The following CNTN1 variants were observed in gnomAD, a reference collection of about 807,000 sequenced individuals.
CNTN1 encodes contactin 1.
Under a neutral mutation model 126.4 loss-of-function variants are expected in CNTN1, and 38 were observed. That is an observed-to-expected ratio of 0.30 (90% CI 0.23 to 0.39). CNTN1 has a LOEUF of 0.39. CNTN1 is among the 10% of genes least tolerant of loss of function. The pLI is 1.00. For synonymous variants in CNTN1, 413 were observed against 422.6 expected (o/e 0.98, Z 0.28); for missense variants, 1,009 against 1,248.4 (o/e 0.81, Z 2.89).
chr12:40,899,359 G>A (rs970307084), intron 1 of CNTN1, among the ~76,000 whole-genome samples: 2 of 152,138 alleles, frequency 1.3e-5, no homozygotes, highest in Non-Finnish European at 2.9e-5. Flanking sequence ...CGTCCAATAA[G>A]ACAGTCTCAC....
At chr12:40,831,877 G>A (rs538902037) in intron 1 of CNTN1, among the ~76,000 whole-genome samples, 1 of 152,244 alleles carries the variant, frequency 6.6e-6, no homozygotes, top group Admixed American at 6.5e-5. Flanking sequence ...TAAAACATAG[G>A]AGCACCCAAA....
Position 40,819,785 on chromosome 12 carries a change from G to T in CNTN1, c.-76-88572G>T, listed in dbSNP as rs151167815. 1.5e-3 allele frequency among the ~76,000 whole-genome samples: 228 copies of T among 152,300 alleles called. 4 individuals are homozygous for T. The East Asian group carries it at 0.033, about 22-fold the overall frequency. On this transcript the variant is annotated intron_variant, in intron 1 of 23. Coordinates refer to ENST00000551295, the MANE Select transcript of CNTN1 (RefSeq NM_001843.4). ...GCACGTTCTGGGATTGGGACACTAG[G>T]CTCTGGTGGTGTGGGTTCACAAGTA... is the stretch of plus-strand genomic sequence containing the variant.
chr12:40,956,960 A>T (rs1309044173), intron 14 of CNTN1, among the ~76,000 whole-genome samples: 1 of 151,992 alleles, frequency 6.6e-6, no homozygotes, highest in Admixed American at 6.6e-5. Context: ...GAAAGAATGG[A>T]TAAATTCAAG....
intron 1 of CNTN1, chr12:40,729,244 G>A: frequency 5.7e-6 from 1 of 176,104 alleles, no homozygotes; most frequent in East Asian, 1.4e-4. Context: ...GAGAAGTGTT[G>A]AATATTGCTG....
At chr12:41,007,795 G>A (rs1167117192) in intron 17 of CNTN1, among the ~76,000 whole-genome samples, 2 of 152,166 alleles carry the variant, frequency 1.3e-5, no homozygotes, top group African/African-American at 4.8e-5. Flanking sequence ...GGCCGACAAA[G>A]GGAAGAGAAG....
intron 1 of CNTN1, among the ~76,000 whole-genome samples, chr12:40,728,486 C>G (rs1584093): frequency 5.3e-5 from 8 of 151,958 alleles, no homozygotes; most frequent in Non-Finnish European, 1.2e-4. Flanking sequence ...TACTACCTAG[C>G]GACTTCTGTT....
At chr12:40,986,460 G>C (rs1947956311) in intron 16 of CNTN1, among the ~76,000 whole-genome samples, 1 of 152,184 alleles carries the variant, frequency 6.6e-6, no homozygotes, top group South Asian at 2.1e-4. Context: ...TCGAATGTAT[G>C]ATCAGACCTC....
At chr12:40,840,549 C>T (rs1158461598) in intron 1 of CNTN1, among the ~76,000 whole-genome samples, 1 of 152,046 alleles carries the variant, frequency 6.6e-6, no homozygotes, top group African/African-American at 2.4e-5. Context: ...ACATTCCTAT[C>T]ATAAGCATGT....
At chr12:40,897,428 C>G (rs1250398599) in intron 1 of CNTN1, among the ~76,000 whole-genome samples, 4 of 152,022 alleles carry the variant, frequency 2.6e-5, no homozygotes, top group African/African-American at 9.7e-5. Flanking sequence ...AAGCATTTCA[C>G]ATAGCAGGTA....
At chr12:40,890,433 A>G (rs1174823828) in intron 1 of CNTN1, among the ~76,000 whole-genome samples, 2 of 152,174 alleles carry the variant, frequency 1.3e-5, no homozygotes, top group African/African-American at 2.4e-5. Flanking sequence ...TAATGATAGT[A>G]TCATACAGAA....
chr12:40,711,355 C>T (rs1941908166), intron 1 of CNTN1, among the ~76,000 whole-genome samples: 2 of 152,070 alleles, frequency 1.3e-5, no homozygotes, highest in Admixed American at 1.3e-4. Context: ...TCTCTTCCAC[C>T]CAATTTATTG....
intron 1 of CNTN1, among the ~76,000 whole-genome samples, chr12:40,731,191 G>C (rs1942490968): frequency 6.6e-6 from 1 of 151,986 alleles, no homozygotes; most frequent in Admixed American, 6.6e-5. Flanking sequence ...TCCTTGGCAA[G>C]ACATATAGGA....
At chr12:40,767,448 A>G (rs1306222156) in intron 1 of CNTN1, among the ~76,000 whole-genome samples, 1 of 150,474 alleles carries the variant, frequency 6.6e-6, no homozygotes, top group Non-Finnish European at 1.5e-5. Flanking sequence ...AGCTGGGACT[A>G]CAGGCGTGCA....
chr12:40,852,223 G>C (rs1263410973), intron 1 of CNTN1, among the ~76,000 whole-genome samples: 1 of 152,146 alleles, frequency 6.6e-6, no homozygotes, highest in Admixed American at 6.5e-5. Context: ...GTCAGTGAAA[G>C]CAAACAGGGC....
At chr12:40,774,447 G>A (rs17128779) in intron 1 of CNTN1, among the ~76,000 whole-genome samples, 13,549 of 151,470 alleles carry the variant, frequency 0.089, 870 homozygotes, top group Admixed American at 0.2. Context: ...TTCATGAGAG[G>A]GAAATTTGCA....
intron 12 of CNTN1, among the ~76,000 whole-genome samples, chr12:40,940,349 A>G (rs746098036): frequency 3.9e-5 from 6 of 152,180 alleles, no homozygotes; most frequent in Non-Finnish European, 5.9e-5. Context: ...ATAGTAAGCC[A>G]CATCATAAAT....
chr12:40,958,311 C>T (rs184238095), intron 14 of CNTN1, among the ~76,000 whole-genome samples: 1 of 145,862 alleles, frequency 6.9e-6, no homozygotes, highest in Admixed American at 6.9e-5. Context: ...GTGTGTGTGC[C>T]TGTATGTGTG....
At chr12:41,046,206 C>T (rs1345699673) in intron 23 of CNTN1, among the ~76,000 whole-genome samples, 1 of 152,108 alleles carries the variant, frequency 6.6e-6, no homozygotes, top group African/African-American at 2.4e-5. Context: ...GCCACCCACT[C>T]ATGATCACAA....
chr12:41,019,664 A>G (rs1042088335), intron 19 of CNTN1, among the ~76,000 whole-genome samples: 1 of 152,080 alleles, frequency 6.6e-6, no homozygotes, highest in South Asian at 2.1e-4. Flanking sequence ...TTTTTGATAC[A>G]TATTTGACTT....
Sources: gnomAD v4.1 joint callset for allele counts (sites outside exome capture counted in the v4.1 genomes callset) on GRCh38, gnomAD v4.1.1 for gene constraint, MANE v1.5 for transcripts, NCBI Gene and HGNC (gene_info 2026-07-23, HGNC 2026-07-21) for gene names.